Variants in CLEC16A observed in about 807,000 individuals in gnomAD.
The protein encoded by CLEC16A is C-type lectin domain containing 16A, also known as protein CLEC16A.
A neutral mutation model predicts 109.5 loss-of-function variants in CLEC16A; 51 were observed. The ratio of observed to expected loss-of-function variants is 0.47; its 90% confidence interval spans 0.37 to 0.59. The LOEUF is 0.59. Among genes scored for constraint, CLEC16A ranks in the 20% least tolerant of loss-of-function variants. The pLI is 0.00. For synonymous variants in CLEC16A, 673 were observed against 564.2 expected, an observed-to-expected ratio of 1.19 and a Z score of -2.73; for missense variants, 1,339 against 1,394.0, an observed-to-expected ratio of 0.96 and a Z score of 0.63.
intron 11 of CLEC16A, among the ~76,000 whole-genome samples, chr16:11,015,803 A>G (rs1429152545): frequency 6.6e-6 from 1 of 152,216 alleles, no homozygotes; most frequent in Non-Finnish European, 1.5e-5. Flanking sequence ...AACCTTAGGA[A>G]GTACTTGGAG....
At chr16:11,173,390 C>T (rs984394994) in intron 23 of CLEC16A, among the ~76,000 whole-genome samples, 2 of 152,122 alleles carry the variant, frequency 1.3e-5, no homozygotes, top group African/African-American at 4.8e-5. Context: ...GTGGTTTCTC[C>T]CTTCGCAGTG....
chr16:11,107,183 AC>A (rs1322083205), intron 19 of CLEC16A, among the ~76,000 whole-genome samples: 1 of 151,854 alleles, frequency 6.6e-6, no homozygotes, highest in Non-Finnish European at 1.5e-5. Flanking sequence ...TTCAACAAAT[AC>A]CCCATTATCT....
intron 19 of CLEC16A, among the ~76,000 whole-genome samples, chr16:11,086,064 C>T (rs77421558): frequency 3.0e-4 from 45 of 152,336 alleles, no homozygotes; most frequent in Non-Finnish European, 4.1e-4. Flanking sequence ...GTGTGTGGAG[C>T]GCAGAGCCAC....
At chr16:11,150,560 A>G (rs2054254528) in intron 22 of CLEC16A, among the ~76,000 whole-genome samples, 1 of 152,202 alleles carries the variant, frequency 6.6e-6, no homozygotes. Flanking sequence ...CTGCCAAGTC[A>G]CAAGGTTTTG....
At position 10,953,646 on chromosome 16, in the gene CLEC16A, A is replaced by G. The variant is rs1340623616; in HGVS notation, c.81-4136A>G. On this transcript the variant is annotated intron_variant, in intron 1 of 23. Transcript: ENST00000409790. ...AGTAAAGGGTTTGTGGTCAGAGTATATAAAGAAAAGCAAGAAAAAGCCACA... is the reference window on the plus strand; with the variant it reads ...AGTAAAGGGTTTGTGGTCAGAGTATGTAAAGAAAAGCAAGAAAAAGCCACA... 1.3e-5 allele frequency among the ~76,000 whole-genome samples: 2 copies of G among 152,232 alleles called. 1 individual carries two copies. Among genetic ancestry groups the G allele is most frequent in the Admixed American group, 1.3e-4 (2 of 15,290 alleles).
intron 13 of CLEC16A, chr16:11,027,164 C>T: frequency 1.4e-6 from 2 of 1,402,864 alleles, no homozygotes; most frequent in Non-Finnish European, 2.0e-6. Flanking sequence ...GAAAAGGGCT[C>T]AGGTTTAAGC....
intron 22 of CLEC16A, chr16:11,157,296 G>C (rs927887102): frequency 2.7e-6 from 3 of 1,111,280 alleles, no homozygotes; most frequent in East Asian, 6.7e-5. Context: ...CTTGGCCCGG[G>C]AGGCCATACG....
At chr16:10,975,193 G>A (rs993820094) in intron 7 of CLEC16A, among the ~76,000 whole-genome samples, 1 of 152,104 alleles carries the variant, frequency 6.6e-6, no homozygotes, top group African/African-American at 2.4e-5. Context: ...GCCAGACATG[G>A]TAGTGCACCC....
At chr16:11,068,195 A>T (rs976354776) in intron 19 of CLEC16A, among the ~76,000 whole-genome samples, 8 of 152,248 alleles carry the variant, frequency 5.3e-5, no homozygotes, top group African/African-American at 1.9e-4. Context: ...TGATCAAATG[A>T]GAACAGCGAT....
intron 11 of CLEC16A, among the ~76,000 whole-genome samples, chr16:11,013,351 A>C (rs2045553081): frequency 6.6e-6 from 1 of 152,174 alleles, no homozygotes; most frequent in Non-Finnish European, 1.5e-5. Context: ...GATTCAGGCT[A>C]GGCATGGTGG....
At chr16:10,979,068 T>A (rs2043174643) in intron 8 of CLEC16A, among the ~76,000 whole-genome samples, 1 of 152,060 alleles carries the variant, frequency 6.6e-6, no homozygotes, top group Admixed American at 6.5e-5. Context: ...AGGAGCAAGT[T>A]CTCGTGGGTC....
chr16:10,963,943 C>G (rs889176055), intron 3 of CLEC16A, among the ~76,000 whole-genome samples: 2 of 152,222 alleles, frequency 1.3e-5, no homozygotes, highest in African/African-American at 2.4e-5. Flanking sequence ...GCTGAGAAAC[C>G]CTGGTTTGGT....
intron 5 of CLEC16A, 47 bp from the exon 6 acceptor site, chr16:10,972,507 G>C (rs764368830): frequency 6.2e-7 from 1 of 1,600,120 alleles, no homozygotes; most frequent in East Asian, 2.2e-5. Context: ...ACTGTTGTCT[G>C]TTTTTTGCTT....
intron 19 of CLEC16A, among the ~76,000 whole-genome samples, chr16:11,085,382 G>T (rs559605429): frequency 1.3e-5 from 2 of 152,270 alleles, no homozygotes; most frequent in African/African-American, 2.4e-5. Flanking sequence ...TTGAGTGCCC[G>T]TGGAGGTGCT....
intron 8 of CLEC16A, among the ~76,000 whole-genome samples, chr16:10,978,598 G>C (rs2043148078): frequency 6.6e-6 from 1 of 152,184 alleles, no homozygotes; most frequent in African/African-American, 2.4e-5. Flanking sequence ...GCCGGAGGGA[G>C]ACTCCTTTCA....
At position 10,954,204 on chromosome 16, in the gene CLEC16A, G is replaced by C. The variant is rs2041877987; in HGVS notation, c.81-3578G>C. On this transcript the variant is annotated intron_variant, in intron 1 of 23. Coordinates refer to ENST00000409790, the MANE Select transcript of CLEC16A (RefSeq NM_015226.3). This position sits in a 1 kb window ranked among gnomAD's most constrained non-coding sequence, Gnocchi z 4.2. ...TCTCAGACCTTTCTTCCTGGCCACA[G>C]GTCTGTGGGCGAGCTACTGAACGTC... Among the ~76,000 whole-genome samples the C allele has an allele frequency of 6.6e-6, 1 of 152,176 alleles. No individual in the cohort carries two copies. The highest frequency in any genetic ancestry group is 2.4e-5 in the African/African-American group (1 of 41,428).
At chr16:11,011,213 G>C (rs1221365684) in intron 11 of CLEC16A, among the ~76,000 whole-genome samples, 1 of 152,162 alleles carries the variant, frequency 6.6e-6, no homozygotes, top group East Asian at 1.9e-4. Context: ...GATGATTCTT[G>C]CCTGGTTCAG....
At chr16:11,172,183 C>T (rs570671287) in intron 23 of CLEC16A, among the ~76,000 whole-genome samples, 55 of 152,330 alleles carry the variant, frequency 3.6e-4, no homozygotes, top group African/African-American at 1.2e-3. Context: ...TACAAATGGA[C>T]TTACATAGTC....
rs988731231 is a variant in CLEC16A at position 11,179,222 on chromosome 16, A to C, written c.*532A>C. Reference sequence around the variant, plus strand: ...AACATCAACACTAAGGTTTGATGTCATGTGAAAAGTGTAATAATAACAGTT... The same window carrying C: ...AACATCAACACTAAGGTTTGATGTCCTGTGAAAAGTGTAATAATAACAGTT... On this transcript the variant is annotated 3_prime_UTR_variant, in exon 24 of 24. Coordinates refer to ENST00000409790, the MANE Select transcript of CLEC16A (RefSeq NM_015226.3). The C allele has an allele frequency of 6.5e-6, 1 of 152,732 alleles. No individual in the cohort carries two copies. 9.5% of individuals were successfully genotyped at this position (152,732 alleles called of 1,614,324 possible).
Sources: gnomAD v4.1 joint callset for allele counts (sites outside exome capture counted in the v4.1 genomes callset) on GRCh38, gnomAD v4.1.1 for gene constraint, Gnocchi (gnomAD v3.1) non-coding constraint, MANE v1.5 for transcripts, NCBI Gene and HGNC (gene_info 2026-07-23, HGNC 2026-07-21) for gene names.